TFDP2: variants seen among roughly 807,000 people sequenced by gnomAD.
The protein encoded by TFDP2 is transcription factor Dp-2 (E2F dimerization partner 2).
Under a neutral mutation model 59.3 loss-of-function variants are expected in TFDP2, and 17 were observed. The observed-to-expected ratio is 0.29, with a 90% confidence interval of 0.20 to 0.43. TFDP2 has a LOEUF of 0.43. Ranked by LOEUF, TFDP2 falls within the 20% of genes least tolerant of loss-of-function variation. The pLI is 1.00. For missense variants in TFDP2, 391 were observed against 528.8 expected, an observed-to-expected ratio of 0.74 and a Z score of 2.56; for synonymous variants, 180 against 194.7, an observed-to-expected ratio of 0.92 and a Z score of 0.63.
At chr3:142,064,954 G>C (rs2060027964) in intron 3 of TFDP2, among the ~76,000 whole-genome samples, 1 of 152,054 alleles carries the variant, frequency 6.6e-6, no homozygotes, top group African/African-American at 2.4e-5. Context: ...AGTTCTTATT[G>C]AATTGTAGTA....
chr3:142,038,383 CAAAAAAAAAAAA>C (rs1184364752), intron 3 of TFDP2, among the ~76,000 whole-genome samples: 8 of 41,428 alleles, frequency 1.9e-4, no homozygotes, highest in South Asian at 1.0e-3. Flanking sequence ...GACTCCATCT[CAAAAAAAAAAAA>C]AAAAAAAAAA....
chr3:142,113,284 G>A (rs372838122), intron 1 of TFDP2, among the ~76,000 whole-genome samples: 72 of 144,864 alleles, frequency 5.0e-4, no homozygotes, highest in African/African-American at 1.8e-3. Context: ...TTTTGAGATG[G>A]AATCTCGCTC....
chr3:141,987,938 C>CAAAA (rs373394427), intron 6 of TFDP2, among the ~76,000 whole-genome samples: 1 of 129,554 alleles, frequency 7.7e-6, no homozygotes, highest in African/African-American at 3.2e-5. Flanking sequence ...GACCCTGCCT[C>CAAAA]AAAAAAAAAA....
chr3:142,010,566 G>A (rs1490253001), intron 3 of TFDP2, among the ~76,000 whole-genome samples: 2 of 140,602 alleles, frequency 1.4e-5, no homozygotes, highest in Non-Finnish European at 3.0e-5. Flanking sequence ...CCAAGATCGC[G>A]CTAATGAACT....
intron 3 of TFDP2, among the ~76,000 whole-genome samples, chr3:142,072,486 T>G (rs997318447): frequency 6.6e-6 from 1 of 152,228 alleles, no homozygotes; most frequent in East Asian, 1.9e-4. Flanking sequence ...CCAGTAGCAA[T>G]GAGCTCATTT....
At chr3:142,027,080 C>CTAAG (rs10665808) in intron 3 of TFDP2, among the ~76,000 whole-genome samples, 133,535 of 151,880 alleles carry the variant, frequency 0.88, 58,962 homozygotes, top group African/African-American at 0.97. Flanking sequence ...ACTTTTGCAA[C>CTAAG]TGTTTCCTCT....
At chr3:142,120,088 C>A (rs1167951275) in intron 1 of TFDP2, among the ~76,000 whole-genome samples, 1 of 149,272 alleles carries the variant, frequency 6.7e-6, no homozygotes, top group Non-Finnish European at 1.5e-5. Flanking sequence ...GAAGGCTGGG[C>A]GTGGTGGCTC....
At chr3:142,052,091 A>G (rs1272813067) in intron 3 of TFDP2, among the ~76,000 whole-genome samples, 1 of 152,122 alleles carries the variant, frequency 6.6e-6, no homozygotes, top group Admixed American at 6.6e-5. Context: ...GCACTACTGC[A>G]CTCCGGCCAA....
chr3:142,008,804 T>C (rs1026889265), intron 3 of TFDP2, among the ~76,000 whole-genome samples: 1 of 152,192 alleles, frequency 6.6e-6, no homozygotes, highest in Admixed American at 6.5e-5. Context: ...GAAAAAAGTA[T>C]ACACATATAT....
intron 2 of TFDP2, among the ~76,000 whole-genome samples, chr3:142,098,985 C>T (rs2061245090): frequency 1.3e-5 from 2 of 152,046 alleles, no homozygotes; most frequent in Admixed American, 1.3e-4. Flanking sequence ...CTATAAGAGA[C>T]CTAATAAAGC....
chr3:142,047,736 C>CTTTTTTT (rs10707832), intron 3 of TFDP2, among the ~76,000 whole-genome samples: 1 of 112,478 alleles, frequency 8.9e-6, no homozygotes, highest in African/African-American at 3.1e-5. Flanking sequence ...AACTAATATG[C>CTTTTTTT]TTTTTTTTTT....
At chr3:141,972,068 A>C (rs192986670) in intron 8 of TFDP2, among the ~76,000 whole-genome samples, 2 of 152,344 alleles carry the variant, frequency 1.3e-5, no homozygotes, top group East Asian at 3.9e-4. Context: ...CATCCAGTCT[A>C]GTCTATACTA....
chr3:141,972,950 T>A (rs1285199983), intron 8 of TFDP2, among the ~76,000 whole-genome samples: 1 of 151,770 alleles, frequency 6.6e-6, no homozygotes, highest in Non-Finnish European at 1.5e-5. Context: ...CACTGTAGCA[T>A]ATGAAAAATA....
chr3:142,085,955 G>A (rs1295613062), intron 3 of TFDP2, among the ~76,000 whole-genome samples: 1 of 152,168 alleles, frequency 6.6e-6, no homozygotes, highest in Admixed American at 6.5e-5. Flanking sequence ...TGACTGAGGT[G>A]ACCAAACCTC....
At chr3:142,043,648 G>C (rs901226071) in intron 3 of TFDP2, 24 of 924,824 alleles carry the variant, frequency 2.6e-5, no homozygotes, top group Non-Finnish European at 4.3e-5. Flanking sequence ...TTCCTCCTTA[G>C]ACAAAGTCTT....
chr3:142,127,278 G>A (rs2062305516), intron 1 of TFDP2, among the ~76,000 whole-genome samples: 1 of 145,250 alleles, frequency 6.9e-6, no homozygotes, highest in Admixed American at 7.0e-5. Flanking sequence ...TAGGACTACA[G>A]ACAGACATGT....
intron 3 of TFDP2, among the ~76,000 whole-genome samples, chr3:142,034,314 G>T (rs1444574503): frequency 6.6e-6 from 1 of 151,838 alleles, no homozygotes; most frequent in Non-Finnish European, 1.5e-5. Flanking sequence ...GGTCAGGCTG[G>T]TCTAAAACTC....
intron 1 of TFDP2, among the ~76,000 whole-genome samples, chr3:142,112,578 A>G (rs1318517279): frequency 6.6e-6 from 1 of 152,254 alleles, no homozygotes; most frequent in African/African-American, 2.4e-5. Flanking sequence ...ACACATTGAC[A>G]AAGTGATTGA....
intron 7 of TFDP2, 49 bp from the exon 8 acceptor site, chr3:141,974,240 C>T (rs768283126): frequency 8.8e-6 from 13 of 1,480,394 alleles, no homozygotes; most frequent in Non-Finnish European, 1.2e-5. Context: ...GGTTAAGATA[C>T]AGTCACATGA....
Sources: gnomAD v4.1 joint callset for allele counts (sites outside exome capture counted in the v4.1 genomes callset) on GRCh38, gnomAD v4.1.1 for gene constraint, MANE v1.5 for transcripts, NCBI Gene and HGNC (gene_info 2026-07-23, HGNC 2026-07-21) for gene names.